The following PCDH15 variants were observed in gnomAD, a reference collection of about 807,000 sequenced individuals.
PCDH15 encodes protocadherin-15.
Under a neutral mutation model 178.5 loss-of-function variants are expected in PCDH15, and 129 were observed. The observed-to-expected ratio is 0.72, with a 90% confidence interval of 0.63 to 0.84. PCDH15 has a LOEUF of 0.84. PCDH15 is among the 40% of genes least tolerant of loss of function. PCDH15 has a pLI of 0.00. For missense variants in PCDH15, 2,230 were observed against 2,099.9 expected, an observed-to-expected ratio of 1.06 and a Z score of -1.21; for synonymous variants, 800 against 732.0, an observed-to-expected ratio of 1.09 and a Z score of -1.50.
chr10:54,798,607 G>C (rs1239446560), intron 1 of PCDH15, among the ~76,000 whole-genome samples: 3 of 151,978 alleles, frequency 2.0e-5, no homozygotes, highest in Non-Finnish European at 4.4e-5. Flanking sequence ...AAATGACTAT[G>C]ACCAAAACCC....
chr10:54,316,031 G>A (rs1288968055), intron 8 of PCDH15, among the ~76,000 whole-genome samples: 2 of 150,672 alleles, frequency 1.3e-5, no homozygotes, highest in Non-Finnish European at 3.0e-5. Flanking sequence ...TATAACTTTA[G>A]GTATTCTACA....
intron 2 of PCDH15, among the ~76,000 whole-genome samples, chr10:54,633,117 A>G (rs775687225): frequency 1.3e-5 from 2 of 152,156 alleles, no homozygotes; most frequent in Non-Finnish European, 2.9e-5. Flanking sequence ...GGAGACTGAA[A>G]AAAAGCCCAA....
intron 9 of PCDH15, among the ~76,000 whole-genome samples, chr10:54,219,090 A>G (rs1172065106): frequency 1.3e-4 from 2 of 15,278 alleles, no homozygotes; most frequent in South Asian, 2.2e-3. Context: ...TGTCTCTACT[A>G]AAAAAAAAAA....
chr10:54,524,160 G>T (rs2083153624), intron 3 of PCDH15, among the ~76,000 whole-genome samples: 1 of 152,108 alleles, frequency 6.6e-6, no homozygotes, highest in Admixed American at 6.5e-5. Context: ...GTCCATCATG[G>T]CATCCTTGGT....
intron 2 of PCDH15, among the ~76,000 whole-genome samples, chr10:55,334,928 C>T (rs1331252399): frequency 6.6e-6 from 1 of 152,104 alleles, no homozygotes; most frequent in Non-Finnish European, 1.5e-5. Flanking sequence ...TATGTAGTCC[C>T]TGTATTTTAG....
intron 1 of PCDH15, among the ~76,000 whole-genome samples, chr10:55,168,522 G>C (rs1343303655): frequency 1.3e-5 from 2 of 152,086 alleles, no homozygotes; most frequent in African/African-American, 4.8e-5. Context: ...TTCCCCTAGG[G>C]GTTCTGTACA....
chr10:54,666,808 G>A (rs2094579747), intron 1 of PCDH15, among the ~76,000 whole-genome samples: 2 of 151,918 alleles, frequency 1.3e-5, no homozygotes, highest in African/African-American at 4.8e-5. Flanking sequence ...TCCTTGATCT[G>A]CCAGCTTGAC....
At chr10:53,994,271 C>T (rs914777789) in intron 21 of PCDH15, among the ~76,000 whole-genome samples, 1 of 152,112 alleles carries the variant, frequency 6.6e-6, no homozygotes, top group Admixed American at 6.5e-5. Context: ...AATAGCGCGA[C>T]TTTTAATCTC....
intron 5 of PCDH15, among the ~76,000 whole-genome samples, chr10:54,355,119 G>GC (rs1491146697): frequency 9.8e-4 from 26 of 26,666 alleles, no homozygotes; most frequent in Non-Finnish European, 1.3e-3. Flanking sequence ...CAGGAGGATT[G>GC]CAAAAAAAAA....
intron 10 of PCDH15, among the ~76,000 whole-genome samples, chr10:54,207,260 ATAGT>A (rs1330046735): frequency 6.6e-6 from 1 of 152,044 alleles, no homozygotes; most frequent in East Asian, 1.9e-4. Context: ...AATTGGCATA[ATAGT>A]TAATTAATTT....
At chr10:54,498,339 A>G (rs1372012228) in intron 3 of PCDH15, among the ~76,000 whole-genome samples, 1 of 152,170 alleles carries the variant, frequency 6.6e-6, no homozygotes, top group African/African-American at 2.4e-5. Context: ...AATACCTGCT[A>G]ATACAAGAAT....
intron 1 of PCDH15, among the ~76,000 whole-genome samples, chr10:54,755,600 C>A (rs2133060258): frequency 6.6e-6 from 1 of 152,104 alleles, no homozygotes; most frequent in Admixed American, 6.6e-5. Context: ...GATACATCTT[C>A]TTATGATAAA....
At chr10:55,548,769 T>C (rs1841943686) in intron 2 of PCDH15, among the ~76,000 whole-genome samples, 1 of 151,662 alleles carries the variant, frequency 6.6e-6, no homozygotes. Flanking sequence ...CCATGGGAAG[T>C]GAAAGGAGGA....
chr10:55,491,577 G>A (rs373655637), intron 2 of PCDH15, among the ~76,000 whole-genome samples: 1 of 151,470 alleles, frequency 6.6e-6, no homozygotes, highest in Non-Finnish European at 1.5e-5. Context: ...GTTTAGACAG[G>A]GAGAGAGGCA....
intron 2 of PCDH15, among the ~76,000 whole-genome samples, chr10:55,395,886 C>A (rs1837916244): frequency 6.6e-6 from 1 of 151,924 alleles, no homozygotes; most frequent in South Asian, 2.1e-4. Flanking sequence ...ACTTATTATA[C>A]AATGCATCCC....
chr10:55,571,521 C>A (rs1842407218), intron 2 of PCDH15, among the ~76,000 whole-genome samples: 1 of 151,834 alleles, frequency 6.6e-6, no homozygotes, highest in South Asian at 2.1e-4. Context: ...TTTAAGAATT[C>A]CACAGTGAAG....
intron 23 of PCDH15, among the ~76,000 whole-genome samples, chr10:53,948,346 C>T (rs1449908173): frequency 2.6e-5 from 4 of 152,126 alleles, no homozygotes; most frequent in Admixed American, 2.6e-4. Context: ...ACCGAGTGTA[C>T]AGGTAATCAG....
chr10:54,859,809 A>C (rs2131778781), intron 3 of PCDH15, among the ~76,000 whole-genome samples: 1 of 151,942 alleles, frequency 6.6e-6, no homozygotes, highest in African/African-American at 2.4e-5. Context: ...TGAACAAATT[A>C]CTTAATAATC....
At position 54,980,952 on chromosome 10, in the gene PCDH15, T is replaced by A. The variant is rs549964899; in HGVS notation, c.-79-83452A>T. 3.5e-3 allele frequency among the ~76,000 whole-genome samples: 525 copies of A among 152,164 alleles called. 1 individual carries two copies. The highest frequency in any genetic ancestry group is 0.011 in the African/African-American group (466 of 41,514). Reference sequence around the variant, plus strand: ...AAGAAAGTGAACTTTCTTTAAAACATGTATAAAATGAAACGTACATCTTAT... The same window carrying A: ...AAGAAAGTGAACTTTCTTTAAAACAAGTATAAAATGAAACGTACATCTTAT... On this transcript the variant is annotated intron_variant, in intron 2 of 5. Transcript: ENST00000458638.
Sources: allele counts gnomAD v4.1 joint callset (sites outside exome capture counted in the v4.1 genomes callset), GRCh38; gene constraint gnomAD v4.1.1; transcripts MANE v1.5; gene names NCBI Gene and HGNC (gene_info 2026-07-23, HGNC 2026-07-21).